ERC2: variants seen among roughly 807,000 people sequenced by gnomAD.
The protein encoded by ERC2 is ELKS/RAB6-interacting/CAST family member 2.
In ERC2, 42 loss-of-function variants were observed where a neutral mutation model predicts 114.8. The observed-to-expected ratio is 0.37, with a 90% CI of 0.29 to 0.47. The LOEUF (loss-of-function observed/expected upper bound fraction) is 0.47, where lower values mean the gene tolerates loss of function less well. ERC2 is among the 20% of genes least tolerant of loss of function. ERC2 has a pLI of 0.99. For synonymous variants in ERC2, 454 were observed against 425.5 expected, an observed-to-expected ratio of 1.07 and a Z score of -0.82; for missense variants, 939 against 1,150.7, an observed-to-expected ratio of 0.82 and a Z score of 2.66.
chr3:55,598,438 T>G (rs999019671), intron 17 of ERC2, among the ~76,000 whole-genome samples: 1 of 152,256 alleles, frequency 6.6e-6, no homozygotes, highest in African/African-American at 2.4e-5. Flanking sequence ...GTGCTGACTA[T>G]GCAGGCTGCT....
chr3:56,436,475 C>T (rs1178615009), intron 1 of ERC2, among the ~76,000 whole-genome samples: 1 of 152,032 alleles, frequency 6.6e-6, no homozygotes, highest in African/African-American at 2.4e-5. Flanking sequence ...ATCATTCATC[C>T]CTTCCCCCTC....
At chr3:55,537,473 T>A (rs1267281821) in intron 17 of ERC2, among the ~76,000 whole-genome samples, 1 of 152,226 alleles carries the variant, frequency 6.6e-6, no homozygotes, top group Non-Finnish European at 1.5e-5. Flanking sequence ...TATAGTCAGC[T>A]AGCTGATTTC....
chr3:56,050,343 TC>T (rs1471620636), intron 7 of ERC2, among the ~76,000 whole-genome samples: 6 of 152,128 alleles, frequency 3.9e-5, no homozygotes, highest in Non-Finnish European at 5.9e-5. Flanking sequence ...TGGGACGCCC[TC>T]CAGTTGGATC....
chr3:55,877,687 AT>A (rs1030035378), intron 14 of ERC2, among the ~76,000 whole-genome samples: 2 of 151,368 alleles, frequency 1.3e-5, no homozygotes, highest in African/African-American at 2.4e-5. Flanking sequence ...AACTTTTTGT[AT>A]TTTTTGTAGA....
chr3:56,161,416 T>C (rs2082041433), intron 4 of ERC2, among the ~76,000 whole-genome samples: 1 of 152,190 alleles, frequency 6.6e-6, no homozygotes, highest in South Asian at 2.1e-4. Flanking sequence ...TTTAGAAAAG[T>C]TTTTTCTAGT....
intron 16 of ERC2, among the ~76,000 whole-genome samples, chr3:55,690,962 T>A (rs2062610140): frequency 6.6e-6 from 1 of 152,350 alleles, no homozygotes; most frequent in Non-Finnish European, 1.5e-5. Context: ...GGTGAGCATG[T>A]AACTGCTGGT....
At chr3:55,608,125 T>C (rs1241092736) in intron 17 of ERC2, among the ~76,000 whole-genome samples, 4 of 152,214 alleles carry the variant, frequency 2.6e-5, no homozygotes, top group Non-Finnish European at 5.9e-5. Flanking sequence ...GTAGTAAGCA[T>C]GTGGTCATTT....
chr3:55,706,800 A>G (rs1414767427), intron 15 of ERC2, among the ~76,000 whole-genome samples: 1 of 152,166 alleles, frequency 6.6e-6, no homozygotes, highest in Non-Finnish European at 1.5e-5. Context: ...CACAGGACTA[A>G]CACACCTGTG....
intron 17 of ERC2, among the ~76,000 whole-genome samples, chr3:55,604,249 C>T (rs1202808690): frequency 6.6e-6 from 1 of 152,048 alleles, no homozygotes; most frequent in Non-Finnish European, 1.5e-5. Context: ...AACCGAGACC[C>T]TCCCCTCAAA....
intron 3 of ERC2, among the ~76,000 whole-genome samples, chr3:56,213,114 C>A (rs1002479691): frequency 1.3e-5 from 2 of 152,146 alleles, no homozygotes; most frequent in African/African-American, 4.8e-5. Context: ...GTGGTTACTG[C>A]ATTTCCAACT....
intron 13 of ERC2, among the ~76,000 whole-genome samples, chr3:55,934,524 A>G (rs957404422): frequency 8.5e-5 from 13 of 152,200 alleles, no homozygotes; most frequent in African/African-American, 2.9e-4. Flanking sequence ...AGAGTAAGCA[A>G]TCTCAAAATC....
intron 7 of ERC2, among the ~76,000 whole-genome samples, chr3:56,069,012 CT>C (rs1210278119): frequency 2.0e-5 from 3 of 152,308 alleles, no homozygotes; most frequent in Non-Finnish European, 2.9e-5. Flanking sequence ...AATATATATT[CT>C]GTTGTTTTGG....
chr3:55,554,461 T>C (rs1355954455), intron 17 of ERC2, among the ~76,000 whole-genome samples: 4 of 152,156 alleles, frequency 2.6e-5, no homozygotes, highest in Non-Finnish European at 5.9e-5. Flanking sequence ...AGACGGGACC[T>C]GAAGGAGTGA....
intron 16 of ERC2, among the ~76,000 whole-genome samples, chr3:55,684,307 AACAC>A (rs938592742): frequency 6.7e-6 from 1 of 148,860 alleles, no homozygotes. Flanking sequence ...AAGAATTAAA[AACAC>A]ACACACACAC....
intron 3 of ERC2, among the ~76,000 whole-genome samples, chr3:56,223,518 CAAAAAAA>C (rs60141863): frequency 4.7e-4 from 58 of 123,000 alleles, no homozygotes; most frequent in Non-Finnish European, 7.8e-4. Flanking sequence ...AGAAAAATGG[CAAAAAAA>C]AAAAAAAAAA....
chr3:55,588,840 C>T (rs2057724639), intron 17 of ERC2, among the ~76,000 whole-genome samples: 2 of 152,108 alleles, frequency 1.3e-5, no homozygotes, highest in African/African-American at 4.8e-5. Flanking sequence ...ACACCAGCTA[C>T]AGCAATCCTG....
intron 17 of ERC2, among the ~76,000 whole-genome samples, chr3:55,590,986 G>A (rs559421000): frequency 2.8e-4 from 43 of 152,080 alleles, no homozygotes; most frequent in South Asian, 1.7e-3. Context: ...CCGCCACCAC[G>A]TCCAGCTAAT....
chr3:56,102,243 C>T (rs899861862), intron 6 of ERC2, among the ~76,000 whole-genome samples: 2 of 152,144 alleles, frequency 1.3e-5, no homozygotes, highest in Non-Finnish European at 2.9e-5. Flanking sequence ...CATCCCATCC[C>T]CAGGGGCAGC....
chr3:56,231,836 T>C (rs147487675), intron 3 of ERC2, among the ~76,000 whole-genome samples: 73 of 151,934 alleles, frequency 4.8e-4, no homozygotes, highest in African/African-American at 1.7e-3. Context: ...AGACCATTTC[T>C]CTCATAGATC....
Sources: allele counts gnomAD v4.1 joint callset (sites outside exome capture counted in the v4.1 genomes callset), GRCh38; gene constraint gnomAD v4.1.1; transcripts MANE v1.5; gene names NCBI Gene and HGNC (gene_info 2026-07-23, HGNC 2026-07-21).